The following CAMTA1 variants were observed in gnomAD, a reference collection of about 807,000 sequenced individuals.
CAMTA1 encodes the protein calmodulin-binding transcription activator 1.
A neutral mutation model predicts 170.9 loss-of-function variants in CAMTA1; 27 were observed. The observed-to-expected ratio is 0.16, with a 90% CI of 0.12 to 0.22. CAMTA1 has a LOEUF of 0.22. CAMTA1 is among the 10% of genes least tolerant of loss of function. The probability of loss-of-function intolerance (pLI) is 1.00; values close to 1 mark genes in which losing one functional copy is unlikely to be tolerated. For synonymous variants in CAMTA1, 833 were observed against 891.5 expected (o/e 0.93, Z 1.17); for missense variants, 1,619 against 2,217.2 (o/e 0.73, Z 5.42).
chr1:7,430,614 C>A (rs559791803), intron 5 of CAMTA1, among the ~76,000 whole-genome samples: 2 of 152,074 alleles, frequency 1.3e-5, no homozygotes, highest in South Asian at 4.1e-4. Flanking sequence ...ATGTTTCTAC[C>A]ATTTTGAGGC....
At chr1:7,535,773 G>C (rs1461621393) in intron 6 of CAMTA1, among the ~76,000 whole-genome samples, 1 of 152,162 alleles carries the variant, frequency 6.6e-6, no homozygotes, top group African/African-American at 2.4e-5. Flanking sequence ...ATGACCCCAG[G>C]AGGTGATACC....
intron 3 of CAMTA1, among the ~76,000 whole-genome samples, chr1:6,987,699 C>A (rs1160023700): frequency 6.6e-6 from 1 of 152,226 alleles, no homozygotes; most frequent in Non-Finnish European, 1.5e-5. Context: ...TCTTTTGCAA[C>A]CTGTAGATAC....
At chr1:6,916,420 G>A (rs375557984) in intron 3 of CAMTA1, among the ~76,000 whole-genome samples, 2 of 151,290 alleles carry the variant, frequency 1.3e-5, no homozygotes, top group South Asian at 4.2e-4. Context: ...ACTGCTTTCC[G>A]AGTTTCTGCA....
chr1:7,274,078 G>A (rs990482935), intron 5 of CAMTA1, among the ~76,000 whole-genome samples: 1 of 152,114 alleles, frequency 6.6e-6, no homozygotes, highest in African/African-American at 2.4e-5. Context: ...GTAGAAAACA[G>A]TGTTAGATGG....
At chr1:6,996,600 A>G (rs1461556540) in intron 3 of CAMTA1, among the ~76,000 whole-genome samples, 2 of 152,054 alleles carry the variant, frequency 1.3e-5, no homozygotes, top group African/African-American at 4.8e-5. Flanking sequence ...CTGATTCTAC[A>G]AAAAGTAAGA....
chr1:7,683,774 G>A lies in CAMTA1; in HGVS notation c.2914+6041G>A, dbSNP rs754102928. Among the ~76,000 whole-genome samples, 12 of 152,362 alleles carry A rather than the reference G, an allele frequency of 7.9e-5. No homozygotes were observed. In the East Asian group the frequency reaches 2.3e-3, roughly 29 times the overall value. ...GGGCCCTCCTCGTAACCCGTCTCTC[G>A]CTGTCTGTGGGGCCTCCGTCATTAT... is the stretch of plus-strand genomic sequence containing the variant. On this transcript the variant is annotated intron_variant, in intron 11 of 22. Transcript: ENST00000303635.
At chr1:6,952,928 C>G (rs1165237549) in intron 3 of CAMTA1, among the ~76,000 whole-genome samples, 1 of 152,136 alleles carries the variant, frequency 6.6e-6, no homozygotes, top group South Asian at 2.1e-4. Flanking sequence ...AGGGATCCCC[C>G]GGATCTCATC....
chr1:7,559,292 C>T (rs1012946205), intron 6 of CAMTA1, among the ~76,000 whole-genome samples: 2 of 152,174 alleles, frequency 1.3e-5, no homozygotes, highest in African/African-American at 2.4e-5. Flanking sequence ...CTCAAGGGCA[C>T]ACGGCCCTCC....
Position 7,663,975 on chromosome 1 carries a change from T to G in CAMTA1, c.1428T>G (p.Ile476Met). Residue 476 changes from isoleucine to methionine, a missense_variant, in exon 9 of 23, where the codon ATT becomes ATG. Transcript: ENST00000303635. ...CCACCCTCGACGGTGGCCGGAAGAT[T>G]CCAGAAACCACCATGAACTTTGACC... ...LSTTLDGGRKIPETTMNFDPD... is the reference protein window; with the variant it reads ...LSTTLDGGRKMPETTMNFDPD... The G allele has an allele frequency of 6.2e-7, 1 of 1,613,820 alleles. No homozygotes were observed. The highest frequency in any genetic ancestry group is 8.5e-7 in the Non-Finnish European group (1 of 1,180,024).
Position 7,562,788 on chromosome 1 carries a change from C to T in CAMTA1, c.511-77612C>T, listed in dbSNP as rs1309619396. Among the ~76,000 whole-genome samples, 1 of 152,196 alleles carries T rather than the reference C, an allele frequency of 6.6e-6. No homozygotes were observed. Among genetic ancestry groups the T allele is most frequent in the Admixed American group, 6.5e-5 (1 of 15,288 alleles). ...AGTAGCCCACCCCACTTCTTGTTCT[C>T]ATGGTCCCCAGGACCCCCAAGCAAG... On this transcript the variant is annotated intron_variant, in intron 6 of 22. Transcript: ENST00000303635. This position sits in a 1 kb window ranked among gnomAD's most constrained non-coding sequence, Gnocchi z 4.8.
intron 5 of CAMTA1, among the ~76,000 whole-genome samples, chr1:7,283,132 C>A (rs1235396189): frequency 6.6e-6 from 1 of 152,118 alleles, no homozygotes; most frequent in Non-Finnish European, 1.5e-5. Flanking sequence ...GAAAAAAAAT[C>A]TCTAACCTCA....
At chr1:6,815,151 A>G (rs975797027) in intron 1 of CAMTA1, among the ~76,000 whole-genome samples, 2 of 151,440 alleles carry the variant, frequency 1.3e-5, no homozygotes, top group African/African-American at 2.4e-5. Context: ...TAGATAGTAT[A>G]CTTTTTGAAA....
At chr1:7,746,231 T>A in intron 18 of CAMTA1, 140 bp downstream of exon 18, 1 of 874,864 alleles carries the variant, frequency 1.1e-6, no homozygotes, top group Non-Finnish European at 1.7e-6. Flanking sequence ...AGTCTCCAAT[T>A]TATTAAGATT....
At chr1:7,567,762 T>C (rs1410274008) in intron 6 of CAMTA1, among the ~76,000 whole-genome samples, 1 of 152,212 alleles carries the variant, frequency 6.6e-6, no homozygotes, top group Non-Finnish European at 1.5e-5. Flanking sequence ...AGTCAGTCTA[T>C]GGACTTCAAG....
chr1:7,151,613 A>C (rs1321041501), intron 4 of CAMTA1, among the ~76,000 whole-genome samples: 1 of 152,140 alleles, frequency 6.6e-6, no homozygotes, highest in African/African-American at 2.4e-5. Context: ...GCTATGCCCA[A>C]GGGCTTTTCC....
At chr1:7,070,513 G>A (rs896680307) in intron 3 of CAMTA1, among the ~76,000 whole-genome samples, 1 of 152,126 alleles carries the variant, frequency 6.6e-6, no homozygotes, top group Non-Finnish European at 1.5e-5. Context: ...TTCCAAAGTC[G>A]AAAGCTCCTC....
chr1:7,437,427 G>C (rs2092383119), intron 5 of CAMTA1, among the ~76,000 whole-genome samples: 1 of 152,154 alleles, frequency 6.6e-6, no homozygotes, highest in South Asian at 2.1e-4. Flanking sequence ...AGCCTCATCT[G>C]AGCTCTGCCC....
chr1:7,149,199 G>A (rs1646419340), intron 4 of CAMTA1, among the ~76,000 whole-genome samples: 1 of 152,222 alleles, frequency 6.6e-6, no homozygotes, highest in South Asian at 2.1e-4. Flanking sequence ...CAGGGAATTG[G>A]GAGTCCCAGA....
At chr1:7,376,717 C>G (rs1221976424) in intron 5 of CAMTA1, among the ~76,000 whole-genome samples, 2 of 152,170 alleles carry the variant, frequency 1.3e-5, no homozygotes, top group African/African-American at 2.4e-5. Flanking sequence ...GATGGTGGAG[C>G]TAGGACTTGA....
Sources: allele counts gnomAD v4.1 joint callset (sites outside exome capture counted in the v4.1 genomes callset), GRCh38; gene constraint gnomAD v4.1.1; non-coding constraint Gnocchi (gnomAD v3.1); transcripts MANE v1.5; gene names NCBI Gene and HGNC (gene_info 2026-07-23, HGNC 2026-07-21).